FRMD4A: variants seen among roughly 807,000 people sequenced by gnomAD.
FRMD4A encodes the protein FERM domain containing 4A, also known as FERM domain-containing protein 4A.
A neutral mutation model predicts 129.1 loss-of-function variants in FRMD4A; 29 were observed. The ratio of observed to expected loss-of-function variants is 0.22; its 90% confidence interval spans 0.17 to 0.31. The LOEUF (loss-of-function observed/expected upper bound fraction) is 0.31, where lower values mean the gene tolerates loss of function less well. Among genes scored for constraint, FRMD4A ranks in the 10% least tolerant of loss-of-function variants. The pLI is 1.00. For missense variants in FRMD4A, 1,272 were observed against 1,375.8 expected, an observed-to-expected ratio of 0.92 and a Z score of 1.19; for synonymous variants, 634 against 571.6, an observed-to-expected ratio of 1.11 and a Z score of -1.56.
At chr10:13,875,906 G>A (rs888832204) in intron 2 of FRMD4A, among the ~76,000 whole-genome samples, 9 of 152,174 alleles carry the variant, frequency 5.9e-5, no homozygotes, top group Admixed American at 2.0e-4. Flanking sequence ...ATGGGGGTTC[G>A]GGGGAACTTG....
At chr10:14,265,355 G>A (rs1283827862) in intron 2 of FRMD4A, among the ~76,000 whole-genome samples, 5 of 152,112 alleles carry the variant, frequency 3.3e-5, no homozygotes, top group Non-Finnish European at 7.3e-5. Context: ...CCTTGGCTAT[G>A]TCTCTAGGAT....
chr10:13,842,162 G>A (rs2093977861), intron 3 of FRMD4A, among the ~76,000 whole-genome samples: 1 of 152,144 alleles, frequency 6.6e-6, no homozygotes, highest in Admixed American at 6.5e-5. Context: ...AAACCCCCAA[G>A]GTTGGTTGAA....
chr10:13,899,268 C>G (rs1589212881), intron 2 of FRMD4A, among the ~76,000 whole-genome samples: 1 of 152,206 alleles, frequency 6.6e-6, no homozygotes, highest in Non-Finnish European at 1.5e-5. Context: ...TAGTGAACAA[C>G]TAACATTGTG....
chr10:14,055,459 ACAAACACACACACACACAC>A (rs1834474497), intron 2 of FRMD4A, among the ~76,000 whole-genome samples: 5 of 111,400 alleles, frequency 4.5e-5, no homozygotes, highest in South Asian at 6.0e-4. Context: ...ACACACACAC[ACAAACACACACACACACAC>A]ACACACACAC....
At chr10:13,700,601 C>T (rs763638457) in intron 14 of FRMD4A, among the ~76,000 whole-genome samples, 4 of 152,046 alleles carry the variant, frequency 2.6e-5, no homozygotes, top group Admixed American at 6.6e-5. Context: ...ATGGGAGTGG[C>T]TTGTGGGGGG....
chr10:13,902,456 G>GGAGAGAGAGAGAGAGAGAGAGAGAGA (rs140040052), intron 2 of FRMD4A, among the ~76,000 whole-genome samples: 20 of 127,774 alleles, frequency 1.6e-4, no homozygotes, highest in South Asian at 8.7e-4. Flanking sequence ...GCAAAATACT[G>GGAGAGAGAGAGAGAGAGAGAGAGAGA]GAGAGAGAGA....
At chr10:13,963,810 T>C (rs2095463749) in intron 2 of FRMD4A, among the ~76,000 whole-genome samples, 1 of 152,198 alleles carries the variant, frequency 6.6e-6, no homozygotes, top group African/African-American at 2.4e-5. Flanking sequence ...TCAGTATCTA[T>C]AGGTCATTGC....
intron 1 of FRMD4A, among the ~76,000 whole-genome samples, chr10:14,330,396 A>C (rs1185720273): frequency 6.6e-6 from 1 of 152,150 alleles, no homozygotes; most frequent in Non-Finnish European, 1.5e-5. Flanking sequence ...ACAGACAGGG[A>C]GACCGCATCA....
At chr10:14,121,132 T>C (rs575437955) in intron 2 of FRMD4A, among the ~76,000 whole-genome samples, 111 of 152,158 alleles carry the variant, frequency 7.3e-4, no homozygotes, top group Non-Finnish European at 1.2e-3. Flanking sequence ...CTTTGAAAGG[T>C]TGAGTTGGGT....
At chr10:13,986,086 G>A (rs2446585) in intron 2 of FRMD4A, among the ~76,000 whole-genome samples, 79,429 of 152,002 alleles carry the variant, frequency 0.52, 23,407 homozygotes, top group East Asian at 0.9. Context: ...TTCCACAGGC[G>A]TAGACATTAC....
intron 2 of FRMD4A, among the ~76,000 whole-genome samples, chr10:14,229,677 C>T (rs79558294): frequency 0.08 from 12,124 of 152,120 alleles, 607 homozygotes; most frequent in Non-Finnish European, 0.11. Context: ...GGGCACAAGC[C>T]GTCCTCCCAC....
chr10:13,793,600 G>T (rs778965837), intron 5 of FRMD4A, among the ~76,000 whole-genome samples: 1 of 152,150 alleles, frequency 6.6e-6, no homozygotes, highest in African/African-American at 2.4e-5. Context: ...GTCAGGCTGC[G>T]TCAAGATATG....
chr10:13,693,713 T>C, intron 15 of FRMD4A, 185 bp downstream of exon 15: 1 of 744,756 alleles, frequency 1.3e-6, no homozygotes, highest in African/African-American at 1.8e-5. Flanking sequence ...CCTTCCACTA[T>C]TTGATTCCTG....
intron 2 of FRMD4A, among the ~76,000 whole-genome samples, chr10:14,260,207 C>T (rs1236829788): frequency 6.6e-6 from 1 of 152,180 alleles, no homozygotes; most frequent in African/African-American, 2.4e-5. Context: ...CATGATCCAG[C>T]TTACAACCGC....
intron 3 of FRMD4A, among the ~76,000 whole-genome samples, chr10:13,819,583 C>T (rs996732600): frequency 7.2e-5 from 11 of 152,124 alleles, no homozygotes; most frequent in African/African-American, 2.4e-4. Flanking sequence ...TCCCCAAAAA[C>T]ATATGTACCC....
chr10:14,194,385 C>T (rs1263284937), intron 2 of FRMD4A, among the ~76,000 whole-genome samples: 20 of 152,096 alleles, frequency 1.3e-4, no homozygotes, highest in African/African-American at 4.8e-4. Flanking sequence ...CCGAGGCGGG[C>T]GGATCACGAA....
At chr10:14,319,029 T>C (rs1218427) in intron 2 of FRMD4A, among the ~76,000 whole-genome samples, 93,445 of 152,004 alleles carry the variant, frequency 0.61, 28,954 homozygotes, top group African/African-American at 0.7. Context: ...TATTTTGAGG[T>C]GGCCCACATC....
chr10:13,683,379 G>A (rs2084785290), intron 15 of FRMD4A, among the ~76,000 whole-genome samples: 2 of 151,208 alleles, frequency 1.3e-5, no homozygotes, highest in South Asian at 4.2e-4. Context: ...AATGCCAGGA[G>A]TTTGAGACTA....
At chr10:14,137,687 T>C (rs1303811667) in intron 2 of FRMD4A, among the ~76,000 whole-genome samples, 1 of 152,202 alleles carries the variant, frequency 6.6e-6, no homozygotes, top group African/African-American at 2.4e-5. Context: ...CTCTCTCTTG[T>C]TCATACCCCG....
Sources: allele counts gnomAD v4.1 joint callset (sites outside exome capture counted in the v4.1 genomes callset), GRCh38; gene constraint gnomAD v4.1.1; transcripts MANE v1.5; gene names NCBI Gene and HGNC (gene_info 2026-07-23, HGNC 2026-07-21).